GPC5: variants seen among roughly 807,000 people sequenced by gnomAD.
GPC5 encodes the protein glypican 5.
In GPC5, 47 loss-of-function variants were observed where a neutral mutation model predicts 53.9. The ratio of observed to expected loss-of-function variants is 0.87; its 90% confidence interval spans 0.69 to 1.11. The LOEUF is 1.11. GPC5 is among the 50% of genes most tolerant of loss of function. The pLI is 0.00. For missense variants in GPC5, 748 were observed against 713.1 expected, an observed-to-expected ratio of 1.05 and a Z score of -0.56; for synonymous variants, 286 against 263.3, an observed-to-expected ratio of 1.09 and a Z score of -0.84.
At chr13:92,798,325 G>A (rs562705028) in intron 7 of GPC5, among the ~76,000 whole-genome samples, 35 of 151,972 alleles carry the variant, frequency 2.3e-4, no homozygotes, top group African/African-American at 8.2e-4. Flanking sequence ...ATGGTGTAAA[G>A]GGCAGTTACA....
chr13:91,468,502 GAA>G (rs1046480507), intron 2 of GPC5, among the ~76,000 whole-genome samples: 3 of 152,156 alleles, frequency 2.0e-5, no homozygotes, highest in Non-Finnish European at 4.4e-5. Context: ...ATGTACAGAG[GAA>G]AGATGATATG....
chr13:92,752,616 A>G (rs1874618458), intron 7 of GPC5, among the ~76,000 whole-genome samples: 1 of 152,090 alleles, frequency 6.6e-6, no homozygotes, highest in Non-Finnish European at 1.5e-5. Context: ...CAGTGGGCGC[A>G]GGTCAGTGGG....
At chr13:91,787,251 A>G (rs1314704645) in intron 5 of GPC5, among the ~76,000 whole-genome samples, 1 of 152,138 alleles carries the variant, frequency 6.6e-6, no homozygotes, top group East Asian at 1.9e-4. Context: ...AAGTGGTTAG[A>G]GTTGATATTT....
chr13:92,777,505 G>A (rs1023388854), intron 7 of GPC5, among the ~76,000 whole-genome samples: 1 of 152,036 alleles, frequency 6.6e-6, no homozygotes, highest in African/African-American at 2.4e-5. Context: ...GCACCCGCCT[G>A]TATTCCCAGC....
chr13:92,578,111 A>G (rs1482322008), intron 7 of GPC5, among the ~76,000 whole-genome samples: 1 of 152,120 alleles, frequency 6.6e-6, no homozygotes, highest in Admixed American at 6.6e-5. Flanking sequence ...ATTTCACCCT[A>G]GCTCCTTTTG....
At chr13:92,174,715 A>C (rs1340923189) in intron 7 of GPC5, among the ~76,000 whole-genome samples, 1 of 152,224 alleles carries the variant, frequency 6.6e-6, no homozygotes, top group Non-Finnish European at 1.5e-5. Context: ...TTAGTCAAAA[A>C]TACGGTTCTA....
intron 7 of GPC5, among the ~76,000 whole-genome samples, chr13:92,620,086 A>G (rs1359306098): frequency 3.3e-5 from 5 of 152,116 alleles, no homozygotes; most frequent in East Asian, 1.9e-4. Flanking sequence ...AGGATGAACA[A>G]TGATCACTTT....
At chr13:92,107,559 G>C (rs2041520022) in intron 6 of GPC5, among the ~76,000 whole-genome samples, 1 of 152,012 alleles carries the variant, frequency 6.6e-6, no homozygotes, top group Non-Finnish European at 1.5e-5. Context: ...AGTTTCTTTA[G>C]TCTTAGACTT....
intron 7 of GPC5, among the ~76,000 whole-genome samples, chr13:92,490,509 C>A (rs1879720979): frequency 6.6e-6 from 1 of 152,116 alleles, no homozygotes; most frequent in Non-Finnish European, 1.5e-5. Flanking sequence ...AGGTGGAAGA[C>A]TGGCTCTACC....
chr13:91,714,462 T>C (rs2036292244), intron 3 of GPC5, among the ~76,000 whole-genome samples: 1 of 152,216 alleles, frequency 6.6e-6, no homozygotes, highest in Admixed American at 6.5e-5. Context: ...TGTCGTATTA[T>C]GAGACTGAGA....
chr13:92,154,473 A>G (rs2041929355), intron 7 of GPC5, among the ~76,000 whole-genome samples: 1 of 152,162 alleles, frequency 6.6e-6, no homozygotes, highest in Admixed American at 6.5e-5. Context: ...ATTTTTCTTT[A>G]TTGAACCAGT....
At chr13:92,156,644 G>A (rs1237050890) in intron 7 of GPC5, among the ~76,000 whole-genome samples, 2 of 151,978 alleles carry the variant, frequency 1.3e-5, no homozygotes, top group Non-Finnish European at 2.9e-5. Flanking sequence ...TTTTAATTTT[G>A]CTATCAAGTT....
chr13:92,296,456 C>T (rs1437671825), intron 7 of GPC5, among the ~76,000 whole-genome samples: 1 of 152,058 alleles, frequency 6.6e-6, no homozygotes, highest in Non-Finnish European at 1.5e-5. Flanking sequence ...GGGTGAGATT[C>T]CCAGGTCAAT....
At chr13:91,510,975 A>G (rs1396974182) in intron 2 of GPC5, among the ~76,000 whole-genome samples, 2 of 151,976 alleles carry the variant, frequency 1.3e-5, no homozygotes, top group East Asian at 3.9e-4. Flanking sequence ...ATTTTTTTAT[A>G]CTGTACTGCT....
intron 2 of GPC5, among the ~76,000 whole-genome samples, chr13:91,593,265 G>T (rs894417243): frequency 6.6e-6 from 1 of 152,106 alleles, no homozygotes; most frequent in Non-Finnish European, 1.5e-5. Context: ...CAGTGTCTGC[G>T]TGATACCTTC....
chr13:91,961,171 A>C (rs886105062), intron 6 of GPC5, among the ~76,000 whole-genome samples: 3 of 152,056 alleles, frequency 2.0e-5, no homozygotes, highest in African/African-American at 7.2e-5. Context: ...AATGTCCAGA[A>C]TATAAAGAAA....
At chr13:91,966,279 A>C (rs1368574570) in intron 6 of GPC5, among the ~76,000 whole-genome samples, 1 of 152,180 alleles carries the variant, frequency 6.6e-6, no homozygotes, top group Non-Finnish European at 1.5e-5. Context: ...AAAGCATAGA[A>C]ATAGGAATAA....
intron 6 of GPC5, among the ~76,000 whole-genome samples, chr13:92,081,302 A>G (rs1594755756): frequency 6.6e-6 from 1 of 152,108 alleles, no homozygotes; most frequent in South Asian, 2.1e-4. Context: ...GGGCTTCACC[A>G]TGTTGGCCAG....
intron 7 of GPC5, among the ~76,000 whole-genome samples, chr13:92,482,547 T>C (rs1157706319): frequency 6.6e-6 from 1 of 152,208 alleles, no homozygotes; most frequent in East Asian, 1.9e-4. Context: ...ACACCATTCT[T>C]CTTTCCAGCT....
Sources: gnomAD v4.1 joint callset for allele counts (sites outside exome capture counted in the v4.1 genomes callset) on GRCh38, gnomAD v4.1.1 for gene constraint, MANE v1.5 for transcripts, NCBI Gene and HGNC (gene_info 2026-07-23, HGNC 2026-07-21) for gene names.